LYZL2: variants seen among roughly 807,000 people sequenced by gnomAD.
LYZL2 encodes lysozyme-like protein 2.
A neutral mutation model predicts 17.1 loss-of-function variants in LYZL2; 13 were observed. The ratio of observed to expected loss-of-function variants is 0.76; its 90% CI spans 0.49 to 1.21. The LOEUF is 1.21. LYZL2 is among the 50% of genes most tolerant of loss of function. The pLI, the probability that LYZL2 is intolerant of heterozygous loss-of-function variation, is 0.00. For missense variants in LYZL2, 166 were observed against 189.2 expected, an observed-to-expected ratio of 0.88 and a Z score of 0.72; for synonymous variants, 63 against 74.4, an observed-to-expected ratio of 0.85 and a Z score of 0.79.
chr10:30,612,536 T>G (rs1459148240), intron 4 of LYZL2, among the ~76,000 whole-genome samples: 1 of 152,226 alleles, frequency 6.6e-6, no homozygotes, highest in Non-Finnish European at 1.5e-5. Flanking sequence ...CAATTGACCC[T>G]TTCCAAGTCA....
chr10:30,629,374 A>G (rs1405982789), intron 1 of LYZL2, among the ~76,000 whole-genome samples: 1 of 151,558 alleles, frequency 6.6e-6, no homozygotes, highest in Non-Finnish European at 1.5e-5. Flanking sequence ...AGCCTGGGCA[A>G]CAGAGTGACA....
chr10:30,612,852 A>G lies in LYZL2; in HGVS notation c.347T>C (p.Ile116Thr). The part of the protein sequence containing the change: ...LTDAIICAKK[I>T]VKETQGMNYW... Reference sequence around the variant, plus strand: ...GTTCATTCCTTGTGTCTCTTTAACAATTTTCTTGGCACAGATAATCGCATC... The same window carrying G: ...GTTCATTCCTTGTGTCTCTTTAACAGTTTTCTTGGCACAGATAATCGCATC... The change falls in exon 4 of 5, where the codon ATT becomes ACT. Residue 116 changes from isoleucine (I) to threonine (T), a missense_variant. Physicochemically the swap from Ile to Thr is moderately conservative, Grantham distance 89. Transcript: ENST00000647634. 2 of 1,613,804 alleles carry G rather than the reference A, an allele frequency of 1.2e-6. No homozygotes were observed. Among genetic ancestry groups the G allele is most frequent in the East Asian group, 2.2e-5 (1 of 44,862 alleles).
Position 30,627,567 on chromosome 10 carries a change from T to G in LYZL2, c.-25-627A>C, listed in dbSNP as rs75654704. Among the ~76,000 whole-genome samples, 658 of 152,314 alleles carry G rather than the reference T, an allele frequency of 4.3e-3. 25 individuals are homozygous for G. The East Asian group carries it at 0.095, about 22-fold the overall frequency. ...TAAATATATCTTCTCTTCCTTATGA[T>G]TTTCTTAATAACATTTTCTTTTCTC... On this transcript the variant is annotated intron_variant, in intron 1 of 4. Coordinates refer to ENST00000647634, the MANE Select transcript of LYZL2 (RefSeq NM_183058.3).
At chr10:30,628,065 C>T (rs2132954461) in intron 1 of LYZL2, among the ~76,000 whole-genome samples, 1 of 152,098 alleles carries the variant, frequency 6.6e-6, no homozygotes, top group Non-Finnish European at 1.5e-5. Context: ...GAGGCTGAGG[C>T]AGGAGAATGG....
chr10:30,620,057 TATC>T (rs1283714352), intron 3 of LYZL2, among the ~76,000 whole-genome samples: 26 of 152,366 alleles, frequency 1.7e-4, no homozygotes, highest in African/African-American at 5.8e-4. Context: ...AATTGTGTAA[TATC>T]ATCTTCTACA....
chr10:30,626,047 A>C (rs959915571), intron 3 of LYZL2, 58 bp downstream of exon 3: 15 of 1,574,228 alleles, frequency 9.5e-6, no homozygotes, highest in Non-Finnish European at 1.3e-5. Flanking sequence ...TGGTGATCCC[A>C]TTGTCGGCTT....
At chr10:30,609,944 G>C (rs1478130960), downstream of LYZL2, among the ~76,000 whole-genome samples, 1 of 152,168 alleles carries the variant, frequency 6.6e-6, no homozygotes, top group African/African-American at 2.4e-5. Flanking sequence ...AAAGATACAT[G>C]AGTCTAATGG....
intron 3 of LYZL2, among the ~76,000 whole-genome samples, chr10:30,621,355 G>A (rs894183210): frequency 1.2e-4 from 19 of 152,232 alleles, no homozygotes; most frequent in African/African-American, 4.6e-4. Context: ...TGAGGTGAGA[G>A]GATTGCCTGA....
intron 3 of LYZL2, among the ~76,000 whole-genome samples, chr10:30,620,437 T>G (rs61846096): frequency 0.14 from 21,826 of 152,272 alleles, 1,699 homozygotes; most frequent in East Asian, 0.24. Flanking sequence ...GGGTGTACTG[T>G]CTATTCTGCA....
intron 3 of LYZL2, among the ~76,000 whole-genome samples, chr10:30,616,126 T>A (rs1254064776): frequency 6.6e-6 from 1 of 152,236 alleles, no homozygotes; most frequent in African/African-American, 2.4e-5. Flanking sequence ...GAATTTTTCC[T>A]TGAGCATGCT....
At chr10:30,611,645 G>A (rs749115153), downstream of LYZL2, 40 of 266,340 alleles carry the variant, frequency 1.5e-4, no homozygotes, top group Non-Finnish European at 2.3e-4. Flanking sequence ...GAGGGAGGGA[G>A]GAAGGAAGAA....
At chr10:30,621,199 AAC>A (rs1020727616) in intron 3 of LYZL2, among the ~76,000 whole-genome samples, 44 of 152,218 alleles carry the variant, frequency 2.9e-4, no homozygotes, top group Admixed American at 1.8e-3. Flanking sequence ...AGAGAAAAAA[AAC>A]ACATATTACA....
intron 3 of LYZL2, among the ~76,000 whole-genome samples, chr10:30,616,263 T>G (rs1033038242): frequency 1.3e-5 from 2 of 152,260 alleles, no homozygotes; most frequent in African/African-American, 4.8e-5. Flanking sequence ...AACAAAATTC[T>G]ATTAACCAGG....
intron 1 of LYZL2, among the ~76,000 whole-genome samples, chr10:30,627,176 T>C (rs572048718): frequency 0.011 from 1,580 of 148,760 alleles, 15 homozygotes; most frequent in African/African-American, 0.027. Flanking sequence ...CAGGGTTAAG[T>C]AAGTGAAAAA....
At chr10:30,620,025 G>A (rs1426070494) in intron 3 of LYZL2, among the ~76,000 whole-genome samples, 1 of 152,004 alleles carries the variant, frequency 6.6e-6, no homozygotes, top group East Asian at 1.9e-4. Context: ...TGTATTTATC[G>A]ATTGCTTCTT....
intron 3 of LYZL2, among the ~76,000 whole-genome samples, chr10:30,617,109 G>C (rs369579632): frequency 2.0e-5 from 3 of 152,238 alleles, no homozygotes; most frequent in South Asian, 2.1e-4. Context: ...CTAGGGGTTG[G>C]AGAGACACAG....
At chr10:30,620,187 TA>T (rs1401846648) in intron 3 of LYZL2, among the ~76,000 whole-genome samples, 2 of 152,098 alleles carry the variant, frequency 1.3e-5, no homozygotes, top group Non-Finnish European at 2.9e-5. Flanking sequence ...AAAATAAAAA[TA>T]AAAAACAGAT....
At chr10:30,611,163 T>G (rs1293532373), downstream of LYZL2, among the ~76,000 whole-genome samples, 2 of 152,136 alleles carry the variant, frequency 1.3e-5, no homozygotes, top group Non-Finnish European at 2.9e-5. Flanking sequence ...TTTGTTTCCC[T>G]CAGGGCTAGA....
downstream of LYZL2, among the ~76,000 whole-genome samples, chr10:30,611,151 C>T (rs114845438): frequency 5.9e-5 from 9 of 152,216 alleles, no homozygotes; most frequent in East Asian, 7.7e-4. Flanking sequence ...GAAGAAGGGA[C>T]GTTTGTTTCC....
Sources: gnomAD v4.1 joint callset for allele counts (sites outside exome capture counted in the v4.1 genomes callset) on GRCh38, gnomAD v4.1.1 for gene constraint, MANE v1.5 for transcripts, NCBI Gene and HGNC (gene_info 2026-07-23, HGNC 2026-07-21) for gene names.